The following CS variants were observed in gnomAD, a reference collection of about 807,000 sequenced individuals.
CS encodes citrate synthase, also known as citrate synthase, mitochondrial.
CS carries 13 observed loss-of-function variants against 61.4 expected under a neutral mutation model. That is an observed-to-expected ratio of 0.21 (90% CI 0.14 to 0.34). CS has a LOEUF of 0.34. Among genes scored for constraint, CS ranks in the 10% least tolerant of loss-of-function variants. The pLI is 1.00. For synonymous variants in CS, 159 were observed against 215.2 expected (o/e 0.74, Z 2.29); for missense variants, 278 against 573.4 (o/e 0.48, Z 5.26).
At chr12:56,278,170 G>A (rs1449331267) in intron 6 of CS, among the ~76,000 whole-genome samples, 2 of 151,984 alleles carry the variant, frequency 1.3e-5, no homozygotes, top group Admixed American at 1.3e-4. Context: ...TCACCCTGTC[G>A]CCCAGGCTGG....
In CS at chr12:56,286,031, G is replaced by C. The variant is rs1436619840; in HGVS notation, c.94-8C>G. On this transcript the variant is annotated splice_polypyrimidine_tract_variant and splice_region_variant and intron_variant, in intron 2 of 10. Coordinates refer to ENST00000351328, the MANE Select transcript of CS (RefSeq NM_004077.3). ...CAATATGTCTTTCAAATTCTAAAAA[G>C]AAAAGTAGAAGGACTAAGCAATGGT... 1 of 1,601,134 alleles carries C rather than the reference G, an allele frequency of 6.2e-7. No individual in the cohort carries two copies. Among genetic ancestry groups the C allele is most frequent in the Non-Finnish European group, 8.6e-7 (1 of 1,168,238 alleles).
intron 1 of CS, among the ~76,000 whole-genome samples, chr12:56,295,747 G>A (rs1017926665): frequency 6.6e-6 from 1 of 151,424 alleles, no homozygotes; most frequent in Non-Finnish European, 1.5e-5. Context: ...GAGGTCAGGA[G>A]ATCGAGACCA....
chr12:56,298,724 A>C, intron 1 of CS: 11 of 969,808 alleles, frequency 1.1e-5, no homozygotes, highest in South Asian at 4.8e-5. Context: ...TACAAATTTC[A>C]CTTTGTGCCA....
At chr12:56,292,988 A>T (rs1873180117) in intron 1 of CS, among the ~76,000 whole-genome samples, 1 of 152,018 alleles carries the variant, frequency 6.6e-6, no homozygotes, top group Non-Finnish European at 1.5e-5. Flanking sequence ...CCAGGGAACA[A>T]GCATTTCAAA....
chr12:56,299,642 G>C (rs779525832), intron 1 of CS, among the ~76,000 whole-genome samples: 3 of 152,174 alleles, frequency 2.0e-5, no homozygotes, highest in African/African-American at 7.2e-5. Context: ...GCTCGGCGTG[G>C]TCACCGAAGG....
Position 56,275,143 on chromosome 12 carries a change from TAAGAAGGGAGAGCCAAGGGAAGA to T in CS, c.789-35_789-13del, listed in dbSNP as rs1456915970. 13 of 1,613,428 alleles carry T rather than the reference TAAGAAGGGAGAGCCAAGGGAAGA, an allele frequency of 8.1e-6. No homozygotes were observed. Among genetic ancestry groups the T allele is most frequent in the Non-Finnish European group, 1.1e-5 (13 of 1,179,850 alleles). The stretch of plus-strand genomic sequence containing the variant: ...CACCCTCATGGTCACTGTGGGGAAG[TAAGAAGGGAGAGCCAAGGGAAGA>T]AAGAAGGGGCAGATTATGGAAACTT... On this transcript the variant is annotated splice_polypyrimidine_tract_variant and intron_variant, in intron 7 of 10. Coordinates refer to ENST00000351328, the MANE Select transcript of CS (RefSeq NM_004077.3).
chr12:56,296,224 G>C (rs1341810320), intron 1 of CS, among the ~76,000 whole-genome samples: 1 of 152,146 alleles, frequency 6.6e-6, no homozygotes, highest in African/African-American at 2.4e-5. Flanking sequence ...ACTTTGGGAA[G>C]CTGAGACTGG....
chr12:56,299,908 C>G, intron 1 of CS: 2 of 443,982 alleles, frequency 4.5e-6, no homozygotes, highest in Non-Finnish European at 8.1e-6. Context: ...GGGGTGACAG[C>G]AGGGTCGGCC....
chr12:56,283,425 A>G (rs1872836081), intron 4 of CS, among the ~76,000 whole-genome samples: 1 of 151,944 alleles, frequency 6.6e-6, no homozygotes, highest in East Asian at 1.9e-4. Flanking sequence ...GTGTGTTTTT[A>G]GTACAGACAG....
At chr12:56,295,581 T>C (rs1417781217) in intron 1 of CS, among the ~76,000 whole-genome samples, 1 of 152,020 alleles carries the variant, frequency 6.6e-6, no homozygotes, top group Admixed American at 6.6e-5. Context: ...TATATACTAG[T>C]GAATAAAGAA....
intron 1 of CS, chr12:56,291,610 T>C (rs1317705884): frequency 2.0e-5 from 3 of 152,624 alleles, no homozygotes; most frequent in Non-Finnish European, 4.4e-5. Flanking sequence ...TGTTCATTGA[T>C]GAGACAGGTA....
At chr12:56,283,119 G>T (rs1662080690) in intron 4 of CS, 128 bp from the exon 5 acceptor site, 1 of 1,062,338 alleles carries the variant, frequency 9.4e-7, no homozygotes. Context: ...TTCTGTAGAG[G>T]TGGGGTCTTG....
chr12:56,282,252 G>A, intron 6 of CS, 168 bp downstream of exon 6: 1 of 561,762 alleles, frequency 1.8e-6, no homozygotes, highest in Admixed American at 3.7e-5. Flanking sequence ...ACTTAGCTTT[G>A]TAATTCCAAC....
intron 1 of CS, chr12:56,298,653 C>T (rs1027394494): frequency 2.0e-6 from 2 of 985,320 alleles, no homozygotes; most frequent in African/African-American, 3.5e-5. Context: ...GTAAGACAAG[C>T]ATCTCCCAAA....
intron 6 of CS, among the ~76,000 whole-genome samples, chr12:56,278,791 T>C (rs1244707698): frequency 6.6e-6 from 1 of 152,154 alleles, no homozygotes; most frequent in Non-Finnish European, 1.5e-5. Context: ...TATTTTATTT[T>C]GAGACAAAGT....
chr12:56,275,378 T>A, intron 7 of CS: 1 of 419,732 alleles, frequency 2.4e-6, no homozygotes, highest in Non-Finnish European at 4.4e-6. Flanking sequence ...ATCAAGACCA[T>A]CCTGGCCAAC....
In CS at chr12:56,300,180, C is replaced by A. The variant is rs1170976989; in HGVS notation, c.22G>T (p.Ala8Ser). 10 of 1,572,388 alleles carry A rather than the reference C, an allele frequency of 6.4e-6. No individual in the cohort carries two copies. Among genetic ancestry groups the A allele is most frequent in the African/African-American group, 1.4e-5 (1 of 73,434 alleles). The change falls in exon 1 of 11, where the codon GCC (alanine) becomes TCC (serine). Residue 8 changes from alanine (A) to serine (S), a missense_variant. Coordinates refer to ENST00000351328, the MANE Select transcript of CS (RefSeq NM_004077.3). ...CTCACCTTGGTTCCCAAGAGCCGGG[C>A]GGCCGCAGTAAGTAAAGCCATGGCG... MALLTAA[A>S]RLLGTKNASC...
At position 56,273,166 on chromosome 12, in the gene CS, C is replaced by T; in HGVS notation, c.1319G>A (p.Arg440Gln). The change falls in exon 11 of 11, where the codon CGA becomes CAA. Residue 440 changes from arginine to glutamine, a missense_variant. Physicochemically the swap from Arg to Gln is conservative, Grantham distance 43. Coordinates refer to ENST00000351328, the MANE Select transcript of CS (RefSeq NM_004077.3). The part of the protein sequence containing the change: ...LGVLAQLIWS[R>Q]ALGFPLERPK... Reference sequence around the variant, plus strand: ...CCTTTCTAGAGGGAAGCCTAAGGCTCGGCTCCAGATGAGCTGTGCCAGTAC... The same window carrying T: ...CCTTTCTAGAGGGAAGCCTAAGGCTTGGCTCCAGATGAGCTGTGCCAGTAC... 1 of 1,613,758 alleles carries T rather than the reference C, an allele frequency of 6.2e-7. No individual in the cohort carries two copies. Among genetic ancestry groups the T allele is most frequent in the Non-Finnish European group, 8.5e-7 (1 of 1,179,684 alleles).
intron 6 of CS, among the ~76,000 whole-genome samples, chr12:56,278,412 G>A (rs112102915): frequency 4.6e-5 from 7 of 152,272 alleles, no homozygotes; most frequent in East Asian, 3.9e-4. Flanking sequence ...ACAGGCGTGA[G>A]CCACTGCACC....
Sources: gnomAD v4.1 joint callset for allele counts (sites outside exome capture counted in the v4.1 genomes callset) on GRCh38, gnomAD v4.1.1 for gene constraint, MANE v1.5 for transcripts, NCBI Gene and HGNC (gene_info 2026-07-23, HGNC 2026-07-21) for gene names.